GRID1: variants seen among roughly 807,000 people sequenced by gnomAD.
GRID1 encodes the protein glutamate ionotropic receptor delta type subunit 1.
In GRID1, 28 loss-of-function variants were observed where a neutral mutation model predicts 98.0. That is an observed-to-expected ratio of 0.29 (90% CI 0.21 to 0.39). The LOEUF (loss-of-function observed/expected upper bound fraction) is 0.39, where lower values mean the gene tolerates loss of function less well. Among genes scored for constraint, GRID1 ranks in the 10% least tolerant of loss-of-function variants. The pLI is 1.00. For missense variants in GRID1, 1,111 were observed against 1,340.5 expected, an observed-to-expected ratio of 0.83 and a Z score of 2.67; for synonymous variants, 553 against 538.5, an observed-to-expected ratio of 1.03 and a Z score of -0.37.
intron 4 of GRID1, among the ~76,000 whole-genome samples, chr10:85,972,240 C>G (rs760255589): frequency 1.3e-5 from 2 of 151,474 alleles, no homozygotes; most frequent in Non-Finnish European, 2.9e-5. Flanking sequence ...CTCTTTTTCC[C>G]CCGGTACAGC....
intron 3 of GRID1, among the ~76,000 whole-genome samples, chr10:86,154,168 T>C (rs1845210648): frequency 6.6e-6 from 1 of 152,042 alleles, no homozygotes. Flanking sequence ...CACTGTCCCC[T>C]CTCCTCCTCC....
chr10:85,952,033 A>C (rs1287000100), intron 4 of GRID1, among the ~76,000 whole-genome samples: 2 of 152,226 alleles, frequency 1.3e-5, no homozygotes, highest in Non-Finnish European at 2.9e-5. Flanking sequence ...CCCTGCTTCT[A>C]AGGAACACTA....
chr10:86,319,057 T>A (rs1481340060), intron 2 of GRID1, among the ~76,000 whole-genome samples: 1 of 151,678 alleles, frequency 6.6e-6, no homozygotes, highest in Non-Finnish European at 1.5e-5. Context: ...GCGTTCAGGG[T>A]GGGGGGAACT....
At chr10:86,031,589 T>C (rs1169894281) in intron 4 of GRID1, among the ~76,000 whole-genome samples, 1 of 152,144 alleles carries the variant, frequency 6.6e-6, no homozygotes, top group Admixed American at 6.5e-5. Flanking sequence ...GCAAAATGCA[T>C]CCAGAACCTG....
chr10:86,345,449 C>T (rs1471001524), intron 2 of GRID1, among the ~76,000 whole-genome samples: 1 of 152,196 alleles, frequency 6.6e-6, no homozygotes, highest in Non-Finnish European at 1.5e-5. Context: ...TCCTCCTCTC[C>T]CCTCTCTGTG....
chr10:86,060,844 C>T (rs546142342), intron 4 of GRID1, among the ~76,000 whole-genome samples: 2 of 152,282 alleles, frequency 1.3e-5, no homozygotes, highest in South Asian at 4.2e-4. Context: ...ATAGACTGGT[C>T]CCCTGTCCAC....
At chr10:85,816,338 T>A (rs1239067796) in intron 8 of GRID1, among the ~76,000 whole-genome samples, 3 of 152,204 alleles carry the variant, frequency 2.0e-5, no homozygotes, top group Non-Finnish European at 4.4e-5. Context: ...GAATACTATT[T>A]AGCAAGAAAA....
intron 6 of GRID1, among the ~76,000 whole-genome samples, chr10:85,865,416 T>C (rs1008399612): frequency 4.6e-5 from 7 of 152,176 alleles, no homozygotes; most frequent in African/African-American, 1.4e-4. Context: ...GCCAGCTCAA[T>C]AGAGAAGCTA....
intron 4 of GRID1, among the ~76,000 whole-genome samples, chr10:85,990,439 G>A (rs1423153993): frequency 6.6e-6 from 1 of 152,210 alleles, no homozygotes; most frequent in Non-Finnish European, 1.5e-5. Context: ...TCACTTAAAG[G>A]AGACAATATG....
At chr10:86,291,961 C>T (rs989150789) in intron 2 of GRID1, among the ~76,000 whole-genome samples, 8 of 152,322 alleles carry the variant, frequency 5.3e-5, no homozygotes, top group Middle Eastern at 3.4e-3. Flanking sequence ...AAACCCAGGC[C>T]AGTCTGATTC....
intron 3 of GRID1, among the ~76,000 whole-genome samples, chr10:86,154,750 G>A (rs1465741516): frequency 2.0e-5 from 3 of 152,210 alleles, no homozygotes; most frequent in African/African-American, 7.2e-5. Flanking sequence ...ACCTGAGCTA[G>A]GCTGTGCAAA....
chr10:85,990,655 G>A (rs1050584035), intron 4 of GRID1, among the ~76,000 whole-genome samples: 5 of 152,184 alleles, frequency 3.3e-5, no homozygotes, highest in Non-Finnish European at 2.9e-5. Flanking sequence ...GGAAGGAAGA[G>A]AGGTCCCCTG....
At chr10:85,704,463 A>G (rs1228147325) in intron 12 of GRID1, among the ~76,000 whole-genome samples, 2 of 152,242 alleles carry the variant, frequency 1.3e-5, no homozygotes, top group Non-Finnish European at 2.9e-5. Context: ...ACCCAGATTC[A>G]TAAAGCAAGT....
At chr10:85,788,065 AG>A (rs11304589) in intron 8 of GRID1, among the ~76,000 whole-genome samples, 13,772 of 111,262 alleles carry the variant, frequency 0.12, 714 homozygotes, top group South Asian at 0.18. Flanking sequence ...AAAAAAAAAA[AG>A]AAAAGAAAAG....
At chr10:85,780,992 C>T (rs541683885) in intron 8 of GRID1, among the ~76,000 whole-genome samples, 155 of 152,292 alleles carry the variant, frequency 1.0e-3, no homozygotes, top group African/African-American at 3.6e-3. Context: ...GCTTGGAAAC[C>T]CAGTTTCCAA....
intron 8 of GRID1, among the ~76,000 whole-genome samples, chr10:85,818,928 C>T (rs1164324841): frequency 6.6e-6 from 1 of 152,002 alleles, no homozygotes; most frequent in African/African-American, 2.4e-5. Flanking sequence ...GCCATGTTGA[C>T]CAGGCTGGTC....
intron 3 of GRID1, among the ~76,000 whole-genome samples, chr10:86,168,928 C>T (rs1436264019): frequency 6.6e-6 from 1 of 152,164 alleles, no homozygotes; most frequent in Non-Finnish European, 1.5e-5. Context: ...TCAGCTCGGT[C>T]TGTGGGGAAA....
At chr10:86,018,631 C>T (rs905829852) in intron 4 of GRID1, among the ~76,000 whole-genome samples, 4 of 152,206 alleles carry the variant, frequency 2.6e-5, no homozygotes, top group Non-Finnish European at 4.4e-5. Context: ...TTCCAAACCT[C>T]CTGTGAGTGC....
At chr10:86,055,121 C>T (rs907601952) in intron 4 of GRID1, among the ~76,000 whole-genome samples, 4 of 152,164 alleles carry the variant, frequency 2.6e-5, no homozygotes, top group Admixed American at 1.3e-4. Context: ...ACCTCACCCA[C>T]GATCAGCCAA....
Sources: gnomAD v4.1 joint callset for allele counts (sites outside exome capture counted in the v4.1 genomes callset) on GRCh38, gnomAD v4.1.1 for gene constraint, MANE v1.5 for transcripts, NCBI Gene and HGNC (gene_info 2026-07-23, HGNC 2026-07-21) for gene names.